Variants in CMSS1 observed in about 807,000 individuals in gnomAD.
CMSS1 encodes cms1 ribosomal small subunit homolog.
A neutral mutation model predicts 43.5 loss-of-function variants in CMSS1; 33 were observed. The observed-to-expected ratio is 0.76, with a 90% confidence interval of 0.57 to 1.01. The LOEUF (loss-of-function observed/expected upper bound fraction) is 1.01, where lower values mean the gene tolerates loss of function less well. Ranked by LOEUF, CMSS1 falls within the 50% of genes least tolerant of loss-of-function variation. The pLI, the probability that CMSS1 is intolerant of heterozygous loss-of-function variation, is 0.00. For missense variants in CMSS1, 313 were observed against 326.4 expected, an observed-to-expected ratio of 0.96 and a Z score of 0.32; for synonymous variants, 115 against 117.2, an observed-to-expected ratio of 0.98 and a Z score of 0.12.
chr3:100,140,094 A>G (rs959587339), intron 1 of CMSS1, among the ~76,000 whole-genome samples: 4 of 152,206 alleles, frequency 2.6e-5, no homozygotes, highest in African/African-American at 4.8e-5. Context: ...TTATTCCTCA[A>G]TAAACCTCAC....
chr3:99,832,863 T>G (rs13064136), intron 1 of CMSS1, among the ~76,000 whole-genome samples: 17,352 of 144,558 alleles, frequency 0.12, 1,773 homozygotes, highest in African/African-American at 0.25. Flanking sequence ...AAAAAGTTGT[T>G]TTTTTTTTTT....
intron 2 of CMSS1, among the ~76,000 whole-genome samples, chr3:100,154,530 T>C (rs910999944): frequency 6.6e-6 from 1 of 152,232 alleles, no homozygotes; most frequent in African/African-American, 2.4e-5. Context: ...TTGGTGAGTG[T>C]GTATTGAATA....
chr3:99,847,121 A>T (rs557755983), intron 1 of CMSS1, among the ~76,000 whole-genome samples: 1 of 152,134 alleles, frequency 6.6e-6, no homozygotes, highest in Non-Finnish European at 1.5e-5. Flanking sequence ...ACTTCTTTCA[A>T]CTAACATACT....
intron 1 of CMSS1, among the ~76,000 whole-genome samples, chr3:99,995,638 T>C (rs1709655787): frequency 6.6e-6 from 1 of 152,252 alleles, no homozygotes; most frequent in African/African-American, 2.4e-5. Flanking sequence ...AGCAAACTTC[T>C]GCCTGGGCAT....
At chr3:99,920,684 G>C (rs1422295023) in intron 1 of CMSS1, among the ~76,000 whole-genome samples, 1 of 151,998 alleles carries the variant, frequency 6.6e-6, no homozygotes, top group African/African-American at 2.4e-5. Context: ...CAGTGGGAAA[G>C]CCAATTGCTT....
At chr3:99,833,224 G>C in intron 1 of CMSS1, 1 of 1,610,700 alleles carries the variant, frequency 6.2e-7, no homozygotes, top group Non-Finnish European at 8.5e-7. Flanking sequence ...AAAGTCTGAA[G>C]GATGTTGAGT....
At chr3:99,880,663 A>T (rs979623541) in intron 1 of CMSS1, among the ~76,000 whole-genome samples, 17 of 152,022 alleles carry the variant, frequency 1.1e-4, no homozygotes, top group Non-Finnish European at 2.2e-4. Context: ...TTAATTTAAA[A>T]TTTTTTTGTT....
chr3:100,064,471 A>G (rs963001018), intron 1 of CMSS1, among the ~76,000 whole-genome samples: 10 of 151,324 alleles, frequency 6.6e-5, no homozygotes, highest in Non-Finnish European at 8.8e-5. Context: ...CCCTTACTGC[A>G]TTAAGTGTGC....
At chr3:99,921,608 A>G (rs891155145) in intron 1 of CMSS1, among the ~76,000 whole-genome samples, 5 of 152,182 alleles carry the variant, frequency 3.3e-5, no homozygotes, top group African/African-American at 7.2e-5. Flanking sequence ...ATATTCTCAT[A>G]TCTTCTGGAA....
intron 1 of CMSS1, among the ~76,000 whole-genome samples, chr3:100,001,684 T>A (rs1294702073): frequency 6.6e-6 from 1 of 152,130 alleles, no homozygotes; most frequent in African/African-American, 2.4e-5. Flanking sequence ...TTCTTTCCTC[T>A]CCCAAAAGAA....
intron 1 of CMSS1, among the ~76,000 whole-genome samples, chr3:99,909,792 C>T (rs568821934): frequency 6.6e-6 from 1 of 152,190 alleles, no homozygotes; most frequent in Admixed American, 6.5e-5. Context: ...ATTTTTATTC[C>T]ATTTCCATTC....
intron 1 of CMSS1, among the ~76,000 whole-genome samples, chr3:99,949,835 G>T (rs1020252809): frequency 2.0e-5 from 3 of 152,050 alleles, no homozygotes; most frequent in Non-Finnish European, 2.9e-5. Flanking sequence ...TCTTTGATTT[G>T]TTCATATTTT....
intron 1 of CMSS1, chr3:99,924,226 T>G (rs1419285625): frequency 6.2e-7 from 1 of 1,612,046 alleles, no homozygotes; most frequent in Non-Finnish European, 8.5e-7. Context: ...CAAAGCAGCC[T>G]TACCTTTCAC....
chr3:100,091,284 CAAAAAAAAAAA>C (rs570908389), intron 1 of CMSS1, among the ~76,000 whole-genome samples: 1,046 of 59,044 alleles, frequency 0.018, 4 homozygotes, highest in African/African-American at 0.024. Context: ...GACTCCGTCT[CAAAAAAAAAAA>C]AAAAAAAGAA....
chr3:100,100,808 T>G (rs79156324), intron 1 of CMSS1, among the ~76,000 whole-genome samples: 4,972 of 152,238 alleles, frequency 0.033, 284 homozygotes, highest in African/African-American at 0.11. Context: ...CATATTCTGG[T>G]GAAGTGCTGT....
chr3:99,950,936 G>A (rs1003695642), intron 1 of CMSS1, among the ~76,000 whole-genome samples: 5 of 152,188 alleles, frequency 3.3e-5, no homozygotes, highest in Non-Finnish European at 5.9e-5. Flanking sequence ...CTGTCACCCA[G>A]GGATTATTGG....
chr3:100,069,981 T>C (rs1199534684), intron 1 of CMSS1, among the ~76,000 whole-genome samples: 1 of 152,244 alleles, frequency 6.6e-6, no homozygotes, highest in Admixed American at 6.5e-5. Context: ...TCCTTTTTTT[T>C]CCTTTTATTT....
intron 1 of CMSS1, among the ~76,000 whole-genome samples, chr3:99,911,493 T>C (rs762200661): frequency 6.6e-6 from 1 of 152,052 alleles, no homozygotes; most frequent in Non-Finnish European, 1.5e-5. Context: ...TCTCATGGTC[T>C]CAGGATAAAG....
chr3:99,830,665 T>C, intron 1 of CMSS1: 1 of 447,684 alleles, frequency 2.2e-6, no homozygotes, highest in Non-Finnish European at 4.5e-6. Context: ...GAAGTAGAAA[T>C]TGTTTAGGAC....
Sources: gnomAD v4.1 joint callset for allele counts (sites outside exome capture counted in the v4.1 genomes callset) on GRCh38, gnomAD v4.1.1 for gene constraint, MANE v1.5 for transcripts, NCBI Gene and HGNC (gene_info 2026-07-23, HGNC 2026-07-21) for gene names.